The following NTN1 variants were observed in gnomAD, a reference collection of about 807,000 sequenced individuals.
NTN1 encodes netrin 1.
In NTN1, 11 loss-of-function variants were observed where a neutral mutation model predicts 54.2. That is an observed-to-expected ratio of 0.20 (90% CI 0.13 to 0.34). NTN1 has a LOEUF of 0.34. Ranked by LOEUF, NTN1 falls within the 10% of genes least tolerant of loss-of-function variation. The pLI, the probability that NTN1 is intolerant of heterozygous loss-of-function variation, is 1.00. For missense variants in NTN1, 740 were observed against 893.1 expected (o/e 0.83, Z 2.18); for synonymous variants, 371 against 382.0 (o/e 0.97, Z 0.33).
intron 2 of NTN1, among the ~76,000 whole-genome samples, chr17:9,067,683 G>A (rs528813895): frequency 1.3e-5 from 2 of 152,034 alleles, no homozygotes; most frequent in South Asian, 2.1e-4. Flanking sequence ...TTCTTCAGTC[G>A]CCTCCCATGC....
chr17:9,085,897 C>T (rs140544846), intron 2 of NTN1, among the ~76,000 whole-genome samples: 3 of 152,242 alleles, frequency 2.0e-5, no homozygotes, highest in East Asian at 1.9e-4. Context: ...GAGGGGCGCA[C>T]GTGGGGAGAA....
chr17:9,225,192 T>C (rs934491970), intron 6 of NTN1, among the ~76,000 whole-genome samples: 1 of 150,886 alleles, frequency 6.6e-6, no homozygotes, highest in Admixed American at 6.6e-5. Context: ...AAGGTGGAGG[T>C]TGCAGTGAGC....
intron 2 of NTN1, among the ~76,000 whole-genome samples, chr17:9,117,013 G>A (rs1264996898): frequency 1.3e-5 from 2 of 152,182 alleles, no homozygotes; most frequent in African/African-American, 4.8e-5. Context: ...CCTGAATGAG[G>A]GGGGTGGGAG....
At chr17:9,192,578 CTT>C (rs1313214523) in intron 5 of NTN1, among the ~76,000 whole-genome samples, 1 of 152,130 alleles carries the variant, frequency 6.6e-6, no homozygotes, top group Non-Finnish European at 1.5e-5. Context: ...AGCCAAGTAT[CTT>C]GTGTTACGCA....
intron 2 of NTN1, among the ~76,000 whole-genome samples, chr17:9,036,509 C>T (rs1296850402): frequency 6.6e-6 from 1 of 151,692 alleles, no homozygotes; most frequent in Non-Finnish European, 1.5e-5. Flanking sequence ...AATCCTCCTG[C>T]CTCAGCCTCT....
At chr17:9,187,925 C>T (rs184715450) in intron 5 of NTN1, among the ~76,000 whole-genome samples, 2 of 152,290 alleles carry the variant, frequency 1.3e-5, no homozygotes, top group African/African-American at 4.8e-5. Context: ...CCAAAGGCTG[C>T]ATATCATATG....
At chr17:9,129,839 G>T (rs2092258811) in intron 2 of NTN1, among the ~76,000 whole-genome samples, 1 of 152,144 alleles carries the variant, frequency 6.6e-6, no homozygotes, top group Admixed American at 6.5e-5. Context: ...TCCCAGACCT[G>T]GCAAGGTGTG....
At position 9,038,564 on chromosome 17, in the gene NTN1, G is replaced by A. The variant is rs1468496389; in HGVS notation, c.1018+15173G>A. On this transcript the variant is annotated intron_variant, in intron 2 of 6. Coordinates refer to ENST00000173229, the MANE Select transcript of NTN1 (RefSeq NM_004822.3). ...TGCAAGACCTGAGGCCTTATCTCCG[G>A]TCTGTGTGTGGGTGCTAAATCCTAA... Among the ~76,000 whole-genome samples the A allele has an allele frequency of 4.6e-5, 7 of 152,012 alleles. No homozygotes were observed. The East Asian group carries it at 1.2e-3, about 25-fold the overall frequency.
At chr17:9,172,298 C>G (rs1449655609) in intron 3 of NTN1, among the ~76,000 whole-genome samples, 1 of 151,754 alleles carries the variant, frequency 6.6e-6, no homozygotes, top group Non-Finnish European at 1.5e-5. Flanking sequence ...GAGATCGAGA[C>G]CATCCTGGGA....
At chr17:9,132,689 A>C (rs900139292) in intron 2 of NTN1, among the ~76,000 whole-genome samples, 3 of 152,086 alleles carry the variant, frequency 2.0e-5, no homozygotes, top group Non-Finnish European at 2.9e-5. Flanking sequence ...AGCCTGACCA[A>C]CATGGAGAAA....
intron 2 of NTN1, among the ~76,000 whole-genome samples, chr17:9,066,355 G>A (rs8066040): frequency 7.9e-5 from 12 of 152,050 alleles, no homozygotes; most frequent in Admixed American, 6.5e-5. Context: ...AGAGCCGGGC[G>A]TGGTGGCTCA....
chr17:9,139,078 G>A (rs2092289807), intron 2 of NTN1, among the ~76,000 whole-genome samples: 2 of 152,184 alleles, frequency 1.3e-5, no homozygotes, highest in African/African-American at 4.8e-5. Flanking sequence ...GTCTTCGGGG[G>A]ACAGGGACTA....
intron 2 of NTN1, among the ~76,000 whole-genome samples, chr17:9,079,557 C>G (rs2092063304): frequency 6.6e-6 from 1 of 152,210 alleles, no homozygotes; most frequent in Non-Finnish European, 1.5e-5. Context: ...TTTTCTGGCC[C>G]TTGAGGAAGT....
At chr17:9,007,292 CTTCT>C in the NTN1 span, among the ~76,000 whole-genome samples, 93 of 136,454 alleles carry the variant, frequency 6.8e-4, no homozygotes, top group South Asian at 1.8e-3. Flanking sequence ...CCCTTCCTTC[CTTCT>C]TTCTTTCTTT....
intron 2 of NTN1, among the ~76,000 whole-genome samples, chr17:9,148,824 A>C (rs1316526248): frequency 2.0e-5 from 3 of 151,972 alleles, no homozygotes; most frequent in Non-Finnish European, 4.4e-5. Context: ...TGAACCCTGC[A>C]GTAGTTTTGG....
intron 2 of NTN1, among the ~76,000 whole-genome samples, chr17:9,075,251 C>T (rs557359298): frequency 1.3e-5 from 2 of 152,240 alleles, no homozygotes; most frequent in South Asian, 2.1e-4. Context: ...GAGGCCGAGG[C>T]GGGTGGAATA....
At chr17:9,011,270 G>A in the NTN1 span, among the ~76,000 whole-genome samples, 1 of 152,160 alleles carries the variant, frequency 6.6e-6, no homozygotes, top group Non-Finnish European at 1.5e-5. Flanking sequence ...GTAGTTCCTG[G>A]TCTGGGGGTT....
chr17:9,109,221 T>C (rs374048209), intron 2 of NTN1, among the ~76,000 whole-genome samples: 7 of 152,318 alleles, frequency 4.6e-5, no homozygotes, highest in African/African-American at 1.7e-4. Context: ...TAAGAGAACA[T>C]TGCCAAGTTT....
rs1214945779 is a variant in NTN1, at chr17:9,171,952, G to C, written c.1208-7855G>C. 2.0e-5 allele frequency: 3 copies of C among 146,452 alleles called. No homozygotes were observed. The Admixed American group carries it at 2.1e-4, about 10-fold the overall frequency. The allele number at this position is 146,452 out of a possible 1,614,324, so 9.1% of individuals were successfully genotyped here. ...TGCCCAGGCTGGAGTGCAATGGCGT[G>C]ACCTTGGCTCGCCACAACCTCTGCC... On this transcript the variant is annotated intron_variant, in intron 3 of 6. Transcript: ENST00000173229.
Sources: allele counts gnomAD v4.1 joint callset (sites outside exome capture counted in the v4.1 genomes callset), GRCh38; gene constraint gnomAD v4.1.1; transcripts MANE v1.5; gene names NCBI Gene and HGNC (gene_info 2026-07-23, HGNC 2026-07-21).